The following LRRC4C variants were observed in gnomAD, a reference collection of about 807,000 sequenced individuals.
The protein encoded by LRRC4C is leucine-rich repeat-containing protein 4C.
A neutral mutation model predicts 33.6 loss-of-function variants in LRRC4C; 5 were observed. The observed-to-expected ratio is 0.15, with a 90% confidence interval of 0.08 to 0.31. LRRC4C has a LOEUF of 0.31. LRRC4C is among the 10% of genes least tolerant of loss of function. The pLI is 1.00. For missense variants in LRRC4C, 560 were observed against 796.7 expected (o/e 0.70, Z 3.58); for synonymous variants, 329 against 302.0 (o/e 1.09, Z -0.93).
At chr11:40,665,323 AAAATATATATAT>A (rs1943701282) in intron 2 of LRRC4C, among the ~76,000 whole-genome samples, 4 of 10,930 alleles carry the variant, frequency 3.7e-4, no homozygotes, top group East Asian at 4.3e-3. Context: ...AAAAAAAAAA[AAAATATATATAT>A]ATATATATAT....
chr11:40,794,373 CAAAAAA>C (rs57476895), intron 2 of LRRC4C, among the ~76,000 whole-genome samples: 88 of 77,212 alleles, frequency 1.1e-3, no homozygotes, highest in African/African-American at 3.0e-3. Context: ...TAAACGCCAG[CAAAAAA>C]AAAAAAAAAA....
intron 2 of LRRC4C, among the ~76,000 whole-genome samples, chr11:40,679,372 A>G (rs2136318939): frequency 6.6e-6 from 1 of 152,340 alleles, no homozygotes; most frequent in Non-Finnish European, 1.5e-5. Flanking sequence ...AGCCAGGTGC[A>G]GAAATTTGCA....
intron 1 of LRRC4C, among the ~76,000 whole-genome samples, chr11:41,259,296 A>G (rs563957622): frequency 6.6e-6 from 1 of 152,180 alleles, no homozygotes; most frequent in African/African-American, 2.4e-5. Flanking sequence ...CTCATGAAAG[A>G]CATCAGCACA....
At chr11:40,946,880 C>T (rs1010624078) in intron 1 of LRRC4C, among the ~76,000 whole-genome samples, 1 of 151,998 alleles carries the variant, frequency 6.6e-6, no homozygotes, top group Non-Finnish European at 1.5e-5. Context: ...AAAGCCAGTC[C>T]CAATAAATTC....
intron 3 of LRRC4C, among the ~76,000 whole-genome samples, chr11:40,382,123 ATTTTTTTTTTTTTTTTTTT>A (rs77934711): frequency 1.0e-5 from 1 of 99,986 alleles, no homozygotes; most frequent in African/African-American, 3.8e-5. Flanking sequence ...TGCCCGGCTA[ATTTTTTTTTTTTTTTTTTT>A]TTTTTTTTTT....
intron 1 of LRRC4C, among the ~76,000 whole-genome samples, chr11:41,074,493 C>T (rs1192724433): frequency 2.0e-5 from 3 of 152,304 alleles, no homozygotes; most frequent in African/African-American, 7.2e-5. Context: ...CCCTGTTTCA[C>T]TTTTGATTCT....
chr11:40,711,707 G>A (rs1357700989), intron 2 of LRRC4C, among the ~76,000 whole-genome samples: 1 of 143,894 alleles, frequency 6.9e-6, no homozygotes, highest in East Asian at 2.1e-4. Flanking sequence ...AACATAATTT[G>A]TAGATTCAGA....
intron 1 of LRRC4C, among the ~76,000 whole-genome samples, chr11:41,324,990 T>C (rs1005488463): frequency 1.3e-5 from 2 of 152,216 alleles, no homozygotes; most frequent in African/African-American, 4.8e-5. Flanking sequence ...AGATAAATTT[T>C]TGTTAATGGT....
chr11:41,140,118 C>T (rs960874396), intron 1 of LRRC4C, among the ~76,000 whole-genome samples: 1 of 152,054 alleles, frequency 6.6e-6, no homozygotes, highest in Admixed American at 6.6e-5. Context: ...CTTCTTCATC[C>T]GTAAGATGGC....
chr11:40,132,766 C>A (rs1856733913), intron 6 of LRRC4C, among the ~76,000 whole-genome samples: 1 of 151,826 alleles, frequency 6.6e-6, no homozygotes, highest in South Asian at 2.1e-4. Context: ...ATAAACAAAT[C>A]TAGTGTTGGA....
chr11:40,448,613 G>A (rs1033624646), intron 3 of LRRC4C, among the ~76,000 whole-genome samples: 1 of 152,166 alleles, frequency 6.6e-6, no homozygotes, highest in East Asian at 1.9e-4. Flanking sequence ...GTATTCCATG[G>A]TGTATATGTA....
At chr11:40,463,841 T>C (rs1280716136) in intron 3 of LRRC4C, among the ~76,000 whole-genome samples, 1 of 152,092 alleles carries the variant, frequency 6.6e-6, no homozygotes, top group Non-Finnish European at 1.5e-5. Context: ...TACTTGGCTG[T>C]ATAATCCATT....
At chr11:41,108,451 C>T (rs928309752) in intron 1 of LRRC4C, among the ~76,000 whole-genome samples, 2 of 152,114 alleles carry the variant, frequency 1.3e-5, no homozygotes, top group Non-Finnish European at 1.5e-5. Flanking sequence ...TATTAACTCA[C>T]ATAAAGGGAG....
At chr11:41,253,947 T>A (rs531544941) in intron 1 of LRRC4C, among the ~76,000 whole-genome samples, 23 of 152,142 alleles carry the variant, frequency 1.5e-4, no homozygotes, top group Admixed American at 1.2e-3. Context: ...TTTCTAGAAA[T>A]AATCATATTG....
chr11:40,452,338 AAAAC>A (rs1292265856), intron 3 of LRRC4C, among the ~76,000 whole-genome samples: 1 of 152,198 alleles, frequency 6.6e-6, no homozygotes, highest in Non-Finnish European at 1.5e-5. Context: ...TTACAAGAAA[AAAAC>A]AAACAACCCC....
chr11:41,324,289 G>A (rs578217313), intron 1 of LRRC4C, among the ~76,000 whole-genome samples: 2 of 152,258 alleles, frequency 1.3e-5, no homozygotes, highest in African/African-American at 4.8e-5. Flanking sequence ...AATCAGCTGG[G>A]TGTGGTGGCA....
intron 1 of LRRC4C, among the ~76,000 whole-genome samples, chr11:41,014,558 T>C (rs16935281): frequency 0.017 from 2,579 of 151,062 alleles, 88 homozygotes; most frequent in African/African-American, 0.058. Context: ...GTAGAAAACA[T>C]AGTTGGTTAT....
chr11:40,738,230 T>TTAAGGACTTAAAAG (rs776020896), intron 2 of LRRC4C, among the ~76,000 whole-genome samples: 4 of 152,164 alleles, frequency 2.6e-5, no homozygotes, highest in African/African-American at 4.8e-5. Context: ...TCAAGATGTA[T>TTAAGGACTTAAAAG]TAAGGACTTA....
chr11:40,280,906 T>C (rs1943430563), intron 4 of LRRC4C, among the ~76,000 whole-genome samples: 2 of 152,144 alleles, frequency 1.3e-5, no homozygotes, highest in Admixed American at 6.6e-5. Context: ...GAAGACTATA[T>C]GTCTGACTCG....
Sources: gnomAD v4.1 joint callset for allele counts (sites outside exome capture counted in the v4.1 genomes callset) on GRCh38, gnomAD v4.1.1 for gene constraint, MANE v1.5 for transcripts, NCBI Gene and HGNC (gene_info 2026-07-23, HGNC 2026-07-21) for gene names.